TAFA2: variants seen among roughly 807,000 people sequenced by gnomAD.
TAFA2 encodes chemokine-like protein TAFA-2.
Under a neutral mutation model 18.8 loss-of-function variants are expected in TAFA2, and 7 were observed. The ratio of observed to expected loss-of-function variants is 0.37; its 90% CI spans 0.21 to 0.70. The LOEUF (loss-of-function observed/expected upper bound fraction) is 0.70, where lower values mean the gene tolerates loss of function less well. Among genes scored for constraint, TAFA2 ranks in the 30% least tolerant of loss-of-function variants. The pLI is 0.53. For missense variants in TAFA2, 122 were observed against 158.1 expected (o/e 0.77, Z 1.23); for synonymous variants, 60 against 54.2 (o/e 1.11, Z -0.47).
At chr12:62,103,468 T>C (rs888560815) in intron 1 of TAFA2, among the ~76,000 whole-genome samples, 3 of 151,970 alleles carry the variant, frequency 2.0e-5, no homozygotes, top group African/African-American at 7.3e-5. Context: ...CGGCCAGGCA[T>C]GGTGGCTCAC....
chr12:61,849,222 A>G (rs1368690590), intron 2 of TAFA2, among the ~76,000 whole-genome samples: 1 of 152,192 alleles, frequency 6.6e-6, no homozygotes, highest in African/African-American at 2.4e-5. Context: ...AAAAAAGAGC[A>G]TCTATTATTC....
chr12:61,719,624 C>T (rs1192699249), intron 4 of TAFA2, among the ~76,000 whole-genome samples: 2 of 152,146 alleles, frequency 1.3e-5, no homozygotes, highest in Non-Finnish European at 2.9e-5. Flanking sequence ...TGAGTAACAG[C>T]TTCATCTCCT....
chr12:61,809,150 A>C (rs1328193638), intron 2 of TAFA2, among the ~76,000 whole-genome samples: 1 of 151,576 alleles, frequency 6.6e-6, no homozygotes, highest in Non-Finnish European at 1.5e-5. Flanking sequence ...ATAAATGAGC[A>C]GAAAGCATAG....
intron 1 of TAFA2, among the ~76,000 whole-genome samples, chr12:62,008,959 C>T (rs556574987): frequency 3.9e-5 from 6 of 152,236 alleles, no homozygotes; most frequent in Admixed American, 1.3e-4. Flanking sequence ...TCTCAGATGA[C>T]GAACTTTTCT....
chr12:62,121,194 G>C (rs183351431), intron 1 of TAFA2, among the ~76,000 whole-genome samples: 10 of 152,098 alleles, frequency 6.6e-5, no homozygotes, highest in Admixed American at 2.6e-4. Context: ...ATCCCTCTTG[G>C]GGTCTTCCAT....
intron 1 of TAFA2, among the ~76,000 whole-genome samples, chr12:61,990,046 A>G (rs894010): frequency 0.15 from 23,499 of 152,112 alleles, 1,894 homozygotes; most frequent in East Asian, 0.21. Context: ...CAACTCCCCA[A>G]TTGAAAACCA....
At chr12:61,977,098 G>A (rs901886054) in intron 1 of TAFA2, among the ~76,000 whole-genome samples, 5 of 151,782 alleles carry the variant, frequency 3.3e-5, no homozygotes, top group African/African-American at 1.2e-4. Flanking sequence ...GGAGAAAATG[G>A]GGTCATTTAA....
intron 1 of TAFA2, among the ~76,000 whole-genome samples, chr12:61,975,046 T>C (rs569886025): frequency 2.0e-5 from 3 of 151,710 alleles, no homozygotes; most frequent in African/African-American, 7.2e-5. Flanking sequence ...ACTGTATATA[T>C]CTAAGGTGCA....
At chr12:62,147,318 GTATGTATGTATA>G (rs1344997106) in intron 1 of TAFA2, among the ~76,000 whole-genome samples, 3,152 of 87,282 alleles carry the variant, frequency 0.036, 161 homozygotes, top group Admixed American at 0.084. Flanking sequence ...GTGTGTGTGT[GTATGTATGTATA>G]TATATATATA....
chr12:61,802,201 G>T (rs546114168), intron 2 of TAFA2, among the ~76,000 whole-genome samples: 4 of 152,016 alleles, frequency 2.6e-5, no homozygotes, highest in Admixed American at 6.6e-5. Context: ...CAGTATGAAG[G>T]TTCCCCAAAA....
intron 1 of TAFA2, among the ~76,000 whole-genome samples, chr12:61,938,036 T>C (rs1248001679): frequency 1.3e-5 from 2 of 151,850 alleles, no homozygotes; most frequent in African/African-American, 4.8e-5. Context: ...AAGTGGCCAA[T>C]AAATATATGA....
intron 1 of TAFA2, among the ~76,000 whole-genome samples, chr12:61,960,092 G>A (rs747363512): frequency 6.6e-5 from 10 of 151,888 alleles, no homozygotes; most frequent in South Asian, 2.1e-4. Flanking sequence ...GCTGAAGTTT[G>A]ATTTAATTTT....
rs372165499 is a variant in TAFA2, at chr12:62,026,997, C to T, written c.-1-159571G>A. Among the ~76,000 whole-genome samples the T allele has an allele frequency of 2.3e-4, 35 of 152,182 alleles. No homozygotes were observed. The East Asian group carries it at 6.8e-3, about 29-fold the overall frequency. On this transcript the variant is annotated intron_variant, in intron 1 of 4. Transcript: ENST00000416284. ...GTATTTTTTCCCAGCGAATTCTCTT[C>T]TCTTTTTGAATAATGACTCTCCCAT...
chr12:62,177,554 A>C (rs947725456), intron 1 of TAFA2, among the ~76,000 whole-genome samples: 1 of 152,224 alleles, frequency 6.6e-6, no homozygotes, highest in Non-Finnish European at 1.5e-5. Context: ...AATGACTTCC[A>C]AACCTGTGTA....
chr12:61,718,875 G>A (rs184889188), intron 4 of TAFA2, among the ~76,000 whole-genome samples: 3 of 152,124 alleles, frequency 2.0e-5, no homozygotes, highest in African/African-American at 4.8e-5. Flanking sequence ...TTTAAAAATT[G>A]TACTTTAAAA....
At chr12:62,169,808 G>A (rs1011223185) in intron 1 of TAFA2, among the ~76,000 whole-genome samples, 2 of 136,448 alleles carry the variant, frequency 1.5e-5, no homozygotes, top group East Asian at 2.1e-4. Context: ...CTGAGATCAC[G>A]CCACTACACT....
intron 1 of TAFA2, among the ~76,000 whole-genome samples, chr12:61,905,590 C>T (rs960411589): frequency 6.6e-6 from 1 of 152,038 alleles, no homozygotes. Context: ...ATTAGCATGA[C>T]CAGATAATCT....
intron 1 of TAFA2, among the ~76,000 whole-genome samples, chr12:62,129,721 T>G (rs1870606063): frequency 6.6e-6 from 1 of 152,010 alleles, no homozygotes. Flanking sequence ...GGACCATTAG[T>G]GCACAGTAGG....
intron 2 of TAFA2, among the ~76,000 whole-genome samples, chr12:61,798,800 A>G (rs1285149151): frequency 6.6e-6 from 1 of 152,260 alleles, no homozygotes; most frequent in Non-Finnish European, 1.5e-5. Context: ...GTAGAAATAT[A>G]TTAAAGACCA....
Sources: allele counts gnomAD v4.1 joint callset (sites outside exome capture counted in the v4.1 genomes callset), GRCh38; gene constraint gnomAD v4.1.1; transcripts MANE v1.5; gene names NCBI Gene and HGNC (gene_info 2026-07-23, HGNC 2026-07-21).